STK32B: variants seen among roughly 807,000 people sequenced by gnomAD.
The protein encoded by STK32B is serine/threonine-protein kinase 32B.
A neutral mutation model predicts 52.6 loss-of-function variants in STK32B; 43 were observed. The observed-to-expected ratio is 0.82, with a 90% CI of 0.64 to 1.05. The LOEUF is 1.05. STK32B is among the 50% of genes least tolerant of loss of function. The pLI, the probability that STK32B is intolerant of heterozygous loss-of-function variation, is 0.00. For missense variants in STK32B, 621 were observed against 534.6 expected, an observed-to-expected ratio of 1.16 and a Z score of -1.59; for synonymous variants, 238 against 204.3, an observed-to-expected ratio of 1.17 and a Z score of -1.41.
At chr4:5,320,420 T>G (rs536944797) in intron 3 of STK32B, among the ~76,000 whole-genome samples, 1 of 152,214 alleles carries the variant, frequency 6.6e-6, no homozygotes, top group Non-Finnish European at 1.5e-5. Context: ...ATAGTCAAAA[T>G]GGTAAGCATT....
At chr4:5,381,411 A>G (rs1735923012) in intron 4 of STK32B, among the ~76,000 whole-genome samples, 1 of 152,182 alleles carries the variant, frequency 6.6e-6, no homozygotes, top group Admixed American at 6.5e-5. Flanking sequence ...TGGTATCTTC[A>G]GCTGAGCACC....
At chr4:5,226,277 C>G (rs1723866105) in intron 3 of STK32B, among the ~76,000 whole-genome samples, 1 of 152,048 alleles carries the variant, frequency 6.6e-6, no homozygotes, top group Non-Finnish European at 1.5e-5. Context: ...TTTTTCTTTC[C>G]TCCACGTTGC....
At chr4:5,181,335 C>CAT (rs1424314634) in intron 3 of STK32B, among the ~76,000 whole-genome samples, 5 of 137,016 alleles carry the variant, frequency 3.6e-5, no homozygotes, top group South Asian at 2.5e-4. Flanking sequence ...GTGAGACACA[C>CAT]ACACACACAC....
intron 4 of STK32B, among the ~76,000 whole-genome samples, chr4:5,334,224 A>G (rs1425978151): frequency 2.0e-5 from 3 of 151,692 alleles, no homozygotes; most frequent in Non-Finnish European, 4.4e-5. Context: ...TAGGTATTTT[A>G]TTGTCTTTGA....
intron 11 of STK32B, among the ~76,000 whole-genome samples, chr4:5,473,330 G>A (rs778186539): frequency 6.6e-6 from 1 of 152,196 alleles, no homozygotes; most frequent in Non-Finnish European, 1.5e-5. Context: ...TGCACAAGTG[G>A]GTGGCCTTGA....
At chr4:5,209,149 A>C (rs1251763729) in intron 3 of STK32B, among the ~76,000 whole-genome samples, 1 of 152,240 alleles carries the variant, frequency 6.6e-6, no homozygotes, top group Non-Finnish European at 1.5e-5. Flanking sequence ...ATGGACTAAC[A>C]TATTAACAGT....
intron 4 of STK32B, among the ~76,000 whole-genome samples, chr4:5,363,445 T>A (rs1329434897): frequency 6.6e-6 from 1 of 152,208 alleles, no homozygotes; most frequent in East Asian, 1.9e-4. Flanking sequence ...GTCCAAAGCC[T>A]TGATGAGCTG....
rs116086043 is a variant in STK32B at position 5,450,039 on chromosome 4, C to T, written c.666+3263C>T. Among the ~76,000 whole-genome samples, 1,211 of 152,338 alleles carry T rather than the reference C, an allele frequency of 7.9e-3. 24 individuals carry two copies. The highest frequency in any genetic ancestry group is 0.027 in the African/African-American group (1,131 of 41,576). The stretch of plus-strand genomic sequence containing the variant: ...AACCCTAGTCCATGGAAAAAAATGT[C>T]TTCCACAAAACCAGTCCCTGGTGCC... On this transcript the variant is annotated intron_variant, in intron 7 of 11. Transcript: ENST00000282908.
chr4:5,459,989 A>G (rs896499064), intron 8 of STK32B, 114 bp from the exon 9 acceptor site: 21 of 1,482,138 alleles, frequency 1.4e-5, no homozygotes, highest in African/African-American at 2.8e-5. Flanking sequence ...CACAACATCA[A>G]TAGAGCGTGA....
At chr4:5,226,356 C>T (rs538174104) in intron 3 of STK32B, among the ~76,000 whole-genome samples, 2 of 152,162 alleles carry the variant, frequency 1.3e-5, no homozygotes, top group Non-Finnish European at 2.9e-5. Context: ...TATAGTAGCT[C>T]CCCATTTTTG....
chr4:5,440,646 A>G (rs150918745), intron 6 of STK32B, among the ~76,000 whole-genome samples: 2,001 of 152,318 alleles, frequency 0.013, 29 homozygotes, highest in South Asian at 0.024. Flanking sequence ...ACTATGTTGA[A>G]TAAGAGTGGT....
intron 3 of STK32B, among the ~76,000 whole-genome samples, chr4:5,192,632 A>G (rs952790778): frequency 6.6e-6 from 1 of 152,244 alleles, no homozygotes; most frequent in Non-Finnish European, 1.5e-5. Context: ...ATGGCATCCA[A>G]CGTGATGTTT....
chr4:5,297,126 G>A (rs1170719882), intron 3 of STK32B, among the ~76,000 whole-genome samples: 2 of 152,162 alleles, frequency 1.3e-5, no homozygotes, highest in African/African-American at 4.8e-5. Context: ...CTGTCTTGTA[G>A]GGTTTCCGCA....
intron 1 of STK32B, among the ~76,000 whole-genome samples, chr4:5,099,445 T>C (rs1206635435): frequency 1.2e-4 from 9 of 77,058 alleles, no homozygotes; most frequent in South Asian, 3.4e-4. Flanking sequence ...TGTGTGTGTG[T>C]GTGTGCGCGC....
rs1255342767 is a variant in STK32B, at chr4:5,077,871, A to G, written c.52+25956A>G. ...TGTAGGATGCTTTTGTCTTCAGGTAATAGAAAAGGCAACAAATAATAACTT... is the reference window on the plus strand; with the variant it reads ...TGTAGGATGCTTTTGTCTTCAGGTAGTAGAAAAGGCAACAAATAATAACTT... On this transcript the variant is annotated intron_variant, in intron 1 of 11. Coordinates refer to ENST00000282908, the MANE Select transcript of STK32B (RefSeq NM_018401.3). 2.0e-5 allele frequency among the ~76,000 whole-genome samples: 3 copies of G among 152,164 alleles called. 1 individual carries two copies. The highest frequency in any genetic ancestry group is 1.3e-4 in the Admixed American group (2 of 15,276).
chr4:5,466,773 A>G lies in STK32B; in HGVS notation c.980A>G (p.Lys327Arg), dbSNP rs1717471683. The G allele has an allele frequency of 6.2e-7, 1 of 1,614,084 alleles. No homozygotes were observed. Among genetic ancestry groups the G allele is most frequent in the Non-Finnish European group, 8.5e-7 (1 of 1,179,986 alleles). ...EMILESKPLH[K>R]KKKRLAKNRS... ...ATTCTAGAATCCAAGCCACTTCACAAAAAGAAGAAGCGATTGGCAAAGAAC... is the reference window on the plus strand; with the variant it reads ...ATTCTAGAATCCAAGCCACTTCACAGAAAGAAGAAGCGATTGGCAAAGAAC... The change falls in exon 10 of 12, where the codon AAA (lysine) becomes AGA (arginine). Residue 327 changes from lysine to arginine, a missense_variant. Coordinates refer to ENST00000282908, the MANE Select transcript of STK32B (RefSeq NM_018401.3).
rs1425319322 is a variant in STK32B at position 5,168,456 on chromosome 4, T to C, written c.260+6T>C. 6.2e-7 allele frequency: 1 copy of C among 1,610,678 alleles called. No individual in the cohort carries two copies. Among genetic ancestry groups the C allele is most frequent in the Non-Finnish European group, 8.5e-7 (1 of 1,178,290 alleles). On this transcript the variant is annotated splice_donor_region_variant and intron_variant, in intron 3 of 11. Transcript: ENST00000282908. The stretch of plus-strand genomic sequence containing the variant: ...CCCTTCCTGGTCAATCTGTGGTGAG[T>C]GTGGCTCCATCCAGGGCTCCTGTGG...
intron 3 of STK32B, among the ~76,000 whole-genome samples, chr4:5,314,786 A>G (rs1251653683): frequency 6.6e-6 from 1 of 152,228 alleles, no homozygotes; most frequent in East Asian, 1.9e-4. Flanking sequence ...CCAACAAAGT[A>G]GCAAAACGGG....
intron 1 of STK32B, among the ~76,000 whole-genome samples, chr4:5,118,369 T>C (rs765481877): frequency 6.6e-6 from 1 of 152,254 alleles, no homozygotes; most frequent in Non-Finnish European, 1.5e-5. Flanking sequence ...TAGTCTCTTA[T>C]GATCCTTTGT....
Sources: allele counts gnomAD v4.1 joint callset (sites outside exome capture counted in the v4.1 genomes callset), GRCh38; gene constraint gnomAD v4.1.1; transcripts MANE v1.5; gene names NCBI Gene and HGNC (gene_info 2026-07-23, HGNC 2026-07-21).